PLCXD3: variants seen among roughly 807,000 people sequenced by gnomAD.
The protein encoded by PLCXD3 is PI-PLC X domain-containing protein 3.
PLCXD3 carries 19 observed loss-of-function variants against 25.5 expected under a neutral mutation model. The ratio of observed to expected loss-of-function variants is 0.75; its 90% CI spans 0.52 to 1.09. The LOEUF (loss-of-function observed/expected upper bound fraction) is 1.09. Among genes scored for constraint, PLCXD3 ranks in the 50% least tolerant of loss-of-function variants. The pLI is 0.00. For missense variants in PLCXD3, 411 were observed against 388.1 expected (o/e 1.06, Z -0.50); for synonymous variants, 174 against 137.6 (o/e 1.26, Z -1.85).
rs1743193572 is a variant in PLCXD3 at position 41,313,318 on chromosome 5, A to G, written c.*299T>C. 2 of 304,672 alleles carry G rather than the reference A, an allele frequency of 6.6e-6. No individual in the cohort carries two copies. The allele number at this position is 304,672 out of a possible 1,614,324, so 18.9% of individuals were successfully genotyped here. On this transcript the variant is annotated 3_prime_UTR_variant, in exon 3 of 3. Coordinates refer to ENST00000377801, the MANE Select transcript of PLCXD3 (RefSeq NM_001005473.3). ...TGGAAATAGAGAACCTAATCAAGTA[A>G]ACACTCATGAATTCTATGTTACAAA...
intron 1 of PLCXD3, among the ~76,000 whole-genome samples, chr5:41,392,819 C>T (rs1264898209): frequency 6.6e-6 from 1 of 152,054 alleles, no homozygotes; most frequent in Non-Finnish European, 1.5e-5. Context: ...TGAGATAACA[C>T]AGAGACGAAA....
At chr5:41,412,706 G>A (rs1746591347) in intron 1 of PLCXD3, among the ~76,000 whole-genome samples, 1 of 152,032 alleles carries the variant, frequency 6.6e-6, no homozygotes, top group Non-Finnish European at 1.5e-5. Flanking sequence ...CTTTTATTGT[G>A]TCAGCCTCTA....
chr5:41,411,186 GCCTCTGAAGCCTATTTA>G (rs1746509659), intron 1 of PLCXD3, among the ~76,000 whole-genome samples: 2 of 152,144 alleles, frequency 1.3e-5, no homozygotes, highest in South Asian at 4.2e-4. Flanking sequence ...AACCAAGAAG[GCCTCTGAAGCCTATTTA>G]CCTTTGTTCT....
intron 1 of PLCXD3, among the ~76,000 whole-genome samples, chr5:41,468,226 T>C (rs894107020): frequency 6.6e-6 from 1 of 151,780 alleles, no homozygotes; most frequent in African/African-American, 2.4e-5. Flanking sequence ...CTATGTTGGC[T>C]AGGTTAGTCT....
In PLCXD3 at chr5:41,410,418, C is replaced by T. The variant is rs181568125; in HGVS notation, c.104-27884G>A. 2.2e-4 allele frequency among the ~76,000 whole-genome samples: 33 copies of T among 152,218 alleles called. No homozygotes were observed. In the East Asian group the frequency reaches 5.6e-3, roughly 26 times the overall value. ...TCAACCTCCCAAAGTGCTGGGATTACAGGTGTGAGCCGCTGTGCCCGTCCC... is the reference window on the plus strand; with the variant it reads ...TCAACCTCCCAAAGTGCTGGGATTATAGGTGTGAGCCGCTGTGCCCGTCCC... On this transcript the variant is annotated intron_variant, in intron 1 of 2. Transcript: ENST00000377801.
At chr5:41,394,860 C>T (rs1745948559) in intron 1 of PLCXD3, among the ~76,000 whole-genome samples, 1 of 151,862 alleles carries the variant, frequency 6.6e-6, no homozygotes, top group Admixed American at 6.6e-5. Flanking sequence ...AGATATAGGC[C>T]CCAATACAGT....
rs1554041759 is a variant in PLCXD3 at position 41,312,685 on chromosome 5, T to TTCCTTCCTTCC, written c.*931_*932insGGAAGGAAGGA. The TTCCTTCCTTCC allele has an allele frequency of 4.8e-5, 5 of 104,772 alleles. No homozygotes were observed. Among genetic ancestry groups the TTCCTTCCTTCC allele is most frequent in the East Asian group, 6.0e-4 (2 of 3,346 alleles). 6.5% of individuals were successfully genotyped at this position (104,772 alleles called of 1,614,324 possible). ...CTTCCTCCCTCCCTTCCTTTCTTCC[T>TTCCTTCCTTCC]TTCCTTCCTTCCTTCCTTCCTTCCT... On this transcript the variant is annotated 3_prime_UTR_variant, in exon 3 of 3. Coordinates refer to ENST00000377801, the MANE Select transcript of PLCXD3 (RefSeq NM_001005473.3).
chr5:41,377,739 C>T (rs1339904693), intron 2 of PLCXD3, among the ~76,000 whole-genome samples: 2 of 152,064 alleles, frequency 1.3e-5, no homozygotes, highest in Non-Finnish European at 2.9e-5. Context: ...AAGCCACCCA[C>T]AACTTCAAAC....
intron 1 of PLCXD3, 52 bp downstream of exon 1, chr5:41,510,372 G>C: frequency 6.8e-7 from 1 of 1,464,834 alleles, no homozygotes; most frequent in Non-Finnish European, 9.4e-7. Flanking sequence ...AAGCAGGGCG[G>C]GGCAGGTGGA....
rs555931292 is a variant in PLCXD3 at position 41,407,054 on chromosome 5, T to C, written c.104-24520A>G. ...TGCCTGCCTGCCAGTATTTTTTTCA[T>C]ACCACTGTCTTAAGAGTTCTAAGCT... On this transcript the variant is annotated intron_variant, in intron 1 of 2. Coordinates refer to ENST00000377801, the MANE Select transcript of PLCXD3 (RefSeq NM_001005473.3). 3.3e-5 allele frequency among the ~76,000 whole-genome samples: 5 copies of C among 152,278 alleles called. No individual in the cohort carries two copies. The South Asian group carries it at 6.2e-4, about 19-fold the overall frequency.
At chr5:41,438,050 A>T (rs569777684) in intron 1 of PLCXD3, among the ~76,000 whole-genome samples, 16 of 152,244 alleles carry the variant, frequency 1.1e-4, no homozygotes, top group African/African-American at 2.6e-4. Flanking sequence ...ACTTGGGAAA[A>T]AATTCCTATC....
intron 2 of PLCXD3, among the ~76,000 whole-genome samples, chr5:41,331,794 C>T (rs930972404): frequency 2.6e-5 from 4 of 152,114 alleles, no homozygotes; most frequent in African/African-American, 9.7e-5. Flanking sequence ...TGCCACATAT[C>T]TACAACTATC....
rs1302702849 is a variant in PLCXD3, at chr5:41,498,249, G to A, written c.103+12175C>T. Among the ~76,000 whole-genome samples the A allele has an allele frequency of 3.3e-5, 5 of 151,234 alleles. 1 individual carries two copies. In the South Asian group the frequency reaches 1.0e-3, roughly 31 times the overall value. Reference sequence around the variant, plus strand: ...CAATAGAAAAAATCAACAACCCTAGGAATTTTTTGAAAAGATAAACATAAG... The same window carrying A: ...CAATAGAAAAAATCAACAACCCTAGAAATTTTTTGAAAAGATAAACATAAG... On this transcript the variant is annotated intron_variant, in intron 1 of 2. Transcript: ENST00000377801.
chr5:41,427,663 G>A (rs558968348), intron 1 of PLCXD3, among the ~76,000 whole-genome samples: 9 of 152,150 alleles, frequency 5.9e-5, no homozygotes, highest in African/African-American at 9.6e-5. Context: ...TTTGCTGGGA[G>A]GTCATTTTAA....
At chr5:41,368,482 C>A (rs1012953163) in intron 2 of PLCXD3, among the ~76,000 whole-genome samples, 1 of 152,150 alleles carries the variant, frequency 6.6e-6, no homozygotes, top group Non-Finnish European at 1.5e-5. Flanking sequence ...CATCCACAAA[C>A]AAAGATAGTT....
intron 1 of PLCXD3, among the ~76,000 whole-genome samples, chr5:41,455,208 C>T (rs1230511441): frequency 6.6e-6 from 1 of 151,952 alleles, no homozygotes; most frequent in Non-Finnish European, 1.5e-5. Flanking sequence ...TGATTTTAGA[C>T]TTCAGGCTTC....
At chr5:41,465,456 A>G (rs756794208) in intron 1 of PLCXD3, among the ~76,000 whole-genome samples, 9 of 143,512 alleles carry the variant, frequency 6.3e-5, no homozygotes, top group Non-Finnish European at 1.3e-4. Flanking sequence ...GTTAATTATT[A>G]TAAGTATGTG....
rs531678489 is a variant in PLCXD3 at position 41,308,582 on chromosome 5, G to GA, written c.*5034dup. On this transcript the variant is annotated 3_prime_UTR_variant, in exon 3 of 3. Transcript: ENST00000377801. The stretch of plus-strand genomic sequence containing the variant: ...CTAATTCTACACGTGGGGCAGACCA[G>GA]AAAAGTGTGTGGGTTGCATGCTTGT... 1.0e-3 allele frequency: 155 copies of GA among 152,252 alleles called. No homozygotes were observed. The highest frequency in any genetic ancestry group is 3.2e-3 in the African/African-American group (131 of 41,558). 9.4% of individuals were successfully genotyped at this position (152,252 alleles called of 1,614,324 possible).
chr5:41,473,103 A>T (rs1338107295), intron 1 of PLCXD3, among the ~76,000 whole-genome samples: 2 of 152,132 alleles, frequency 1.3e-5, no homozygotes, highest in African/African-American at 4.8e-5. Flanking sequence ...AAAAATCTGC[A>T]AGTAAAGAAA....
Sources: allele counts gnomAD v4.1 joint callset (sites outside exome capture counted in the v4.1 genomes callset), GRCh38; gene constraint gnomAD v4.1.1; transcripts MANE v1.5; gene names NCBI Gene and HGNC (gene_info 2026-07-23, HGNC 2026-07-21).